The following TTLL5 variants were observed in gnomAD, a reference collection of about 807,000 sequenced individuals.
TTLL5 encodes the protein tubulin tyrosine ligase like 5.
TTLL5 carries 132 observed loss-of-function variants against 168.4 expected under a neutral mutation model. The ratio of observed to expected loss-of-function variants is 0.78; its 90% confidence interval spans 0.68 to 0.91. TTLL5 has a LOEUF of 0.91. TTLL5 is among the 40% of genes least tolerant of loss of function. TTLL5 has a pLI of 0.00. For missense variants in TTLL5, 1,545 were observed against 1,581.5 expected, an observed-to-expected ratio of 0.98 and a Z score of 0.39; for synonymous variants, 546 against 558.6, an observed-to-expected ratio of 0.98 and a Z score of 0.32.
intron 30 of TTLL5, among the ~76,000 whole-genome samples, chr14:75,892,093 A>G (rs549225558): frequency 6.6e-6 from 1 of 152,356 alleles, no homozygotes; most frequent in African/African-American, 2.4e-5. Flanking sequence ...GATTTCCTCA[A>G]CACTAATAAC....
chr14:75,717,341 C>T (rs1887535458), intron 9 of TTLL5, among the ~76,000 whole-genome samples: 2 of 152,146 alleles, frequency 1.3e-5, no homozygotes, highest in Non-Finnish European at 2.9e-5. Context: ...TCTCAAACTC[C>T]TGGGCTCAAG....
At chr14:75,856,021 T>G (rs1205771103) in intron 28 of TTLL5, among the ~76,000 whole-genome samples, 1 of 152,220 alleles carries the variant, frequency 6.6e-6, no homozygotes, top group East Asian at 1.9e-4. Flanking sequence ...GTGACTCTTA[T>G]AACTGTGCAC....
chr14:75,926,156 C>CTTTTTTTTTTTTTTTTTT (rs34048806), intron 31 of TTLL5, among the ~76,000 whole-genome samples: 1 of 29,960 alleles, frequency 3.3e-5, no homozygotes, highest in Non-Finnish European at 5.2e-5. Context: ...GCAACCCCAG[C>CTTTTTTTTTTTTTTTTTT]TTTTTTTTTT....
chr14:75,862,014 C>T (rs1272449113), intron 28 of TTLL5, among the ~76,000 whole-genome samples: 1 of 152,184 alleles, frequency 6.6e-6, no homozygotes, highest in Non-Finnish European at 1.5e-5. Context: ...ACTTCCTATT[C>T]CCTAATTCCA....
intron 30 of TTLL5, among the ~76,000 whole-genome samples, chr14:75,884,395 C>T (rs190863491): frequency 7.9e-5 from 12 of 152,322 alleles, no homozygotes; most frequent in East Asian, 5.8e-4. Flanking sequence ...CATTTGAAGA[C>T]GCTGCTTGCT....
At chr14:75,764,277 A>G (rs1268202084) in intron 18 of TTLL5, among the ~76,000 whole-genome samples, 1 of 152,204 alleles carries the variant, frequency 6.6e-6, no homozygotes, top group Non-Finnish European at 1.5e-5. Flanking sequence ...GAATTAAGAT[A>G]TTGTCGTTTT....
intron 18 of TTLL5, among the ~76,000 whole-genome samples, chr14:75,760,153 A>G (rs1375443137): frequency 6.6e-6 from 1 of 152,128 alleles, no homozygotes; most frequent in African/African-American, 2.4e-5. Flanking sequence ...AGGTCTTAGG[A>G]TACAAGATCG....
At chr14:75,844,780 A>T (rs1031515733) in intron 28 of TTLL5, among the ~76,000 whole-genome samples, 3 of 151,482 alleles carry the variant, frequency 2.0e-5, no homozygotes, top group South Asian at 2.1e-4. Context: ...CCCAAACCTA[A>T]TTTTTTTTTA....
chr14:75,901,180 T>C (rs1351672906), intron 30 of TTLL5, among the ~76,000 whole-genome samples: 1 of 152,186 alleles, frequency 6.6e-6, no homozygotes, highest in Non-Finnish European at 1.5e-5. Context: ...CAAAAAAATT[T>C]ATAAATATTT....
intron 17 of TTLL5, among the ~76,000 whole-genome samples, chr14:75,750,910 GTGA>G (rs1472303038): frequency 6.6e-6 from 1 of 152,146 alleles, no homozygotes; most frequent in Non-Finnish European, 1.5e-5. Context: ...CCTTCCTTTT[GTGA>G]TGATATGAGA....
chr14:75,787,635 G>T (rs1029239690), intron 26 of TTLL5, among the ~76,000 whole-genome samples: 5 of 152,124 alleles, frequency 3.3e-5, no homozygotes, highest in African/African-American at 1.2e-4. Context: ...AAGAGGATTT[G>T]AACAAGATGA....
At chr14:75,782,174 C>CTTA (rs957667843) in intron 24 of TTLL5, among the ~76,000 whole-genome samples, 1 of 151,618 alleles carries the variant, frequency 6.6e-6, no homozygotes, top group Admixed American at 6.6e-5. Flanking sequence ...TCTGACTGCC[C>CTTA]TTATTATTAT....
At chr14:75,833,110 T>C (rs534498022) in intron 28 of TTLL5, among the ~76,000 whole-genome samples, 52 of 152,304 alleles carry the variant, frequency 3.4e-4, no homozygotes, top group African/African-American at 1.2e-3. Flanking sequence ...CATGCCCTTA[T>C]CAGCACCTCT....
intron 30 of TTLL5, among the ~76,000 whole-genome samples, chr14:75,887,831 AC>A (rs1260192204): frequency 1.2e-4 from 19 of 152,350 alleles, no homozygotes; most frequent in African/African-American, 4.6e-4. Context: ...TACCAGTTTT[AC>A]CACTTAAATG....
intron 29 of TTLL5, 72 bp downstream of exon 29, chr14:75,863,934 A>AAAAAAAAAAT (rs869255321): frequency 2.4e-6 from 3 of 1,267,170 alleles, no homozygotes; most frequent in Admixed American, 2.9e-5. Context: ...AAAAAAAAAA[A>AAAAAAAAAAT]GGTCAGTGAA....
intron 28 of TTLL5, among the ~76,000 whole-genome samples, chr14:75,830,225 G>A (rs1391913244): frequency 1.3e-5 from 2 of 152,076 alleles, no homozygotes; most frequent in Non-Finnish European, 2.9e-5. Context: ...ACCACAATGT[G>A]AAAAACAAAA....
At chr14:75,891,633 T>TG (rs1303910667) in intron 30 of TTLL5, among the ~76,000 whole-genome samples, 1 of 152,086 alleles carries the variant, frequency 6.6e-6, no homozygotes, top group Non-Finnish European at 1.5e-5. Context: ...ATGGAAGTGG[T>TG]GGAGATAGTG....
intron 28 of TTLL5, among the ~76,000 whole-genome samples, chr14:75,840,225 A>T (rs1234576507): frequency 6.6e-6 from 1 of 152,202 alleles, no homozygotes; most frequent in Non-Finnish European, 1.5e-5. Flanking sequence ...TTTCAGACAC[A>T]GTCATTTTTT....
intron 31 of TTLL5, among the ~76,000 whole-genome samples, chr14:75,924,923 C>T (rs1480621157): frequency 7.7e-6 from 1 of 129,622 alleles, no homozygotes; most frequent in Non-Finnish European, 1.7e-5. Context: ...CTGACCCCCC[C>T]ACCTCCCTCC....
Sources: gnomAD v4.1 joint callset for allele counts (sites outside exome capture counted in the v4.1 genomes callset) on GRCh38, gnomAD v4.1.1 for gene constraint, MANE v1.5 for transcripts, NCBI Gene and HGNC (gene_info 2026-07-23, HGNC 2026-07-21) for gene names.